NTF3: variants seen among roughly 807,000 people sequenced by gnomAD.
NTF3 encodes neurotrophin-3.
In NTF3, 8 loss-of-function variants were observed where a neutral mutation model predicts 26.3. That is an observed-to-expected ratio of 0.30 (90% CI 0.18 to 0.55). The LOEUF (loss-of-function observed/expected upper bound fraction) is 0.55, where lower values mean the gene tolerates loss of function less well. Among genes scored for constraint, NTF3 ranks in the 20% least tolerant of loss-of-function variants. The pLI is 0.93. For missense variants in NTF3, 276 were observed against 352.9 expected (o/e 0.78, Z 1.75); for synonymous variants, 154 against 145.5 (o/e 1.06, Z -0.42).
chr12:5,445,575 G>C (rs184765977), intron 1 of NTF3, among the ~76,000 whole-genome samples: 1 of 152,308 alleles, frequency 6.6e-6, no homozygotes, highest in East Asian at 1.9e-4. Flanking sequence ...GCTCTCCCAT[G>C]TCCTGACTAT....
intron 1 of NTF3, among the ~76,000 whole-genome samples, chr12:5,446,749 A>G (rs1483638824): frequency 2.0e-5 from 3 of 152,206 alleles, no homozygotes; most frequent in Non-Finnish European, 2.9e-5. Context: ...AGATATTACT[A>G]TGTATGCTGT....
intron 1 of NTF3, among the ~76,000 whole-genome samples, chr12:5,452,505 A>C (rs1444689014): frequency 6.6e-6 from 1 of 152,192 alleles, no homozygotes; most frequent in East Asian, 1.9e-4. Context: ...CCTTTTGGTC[A>C]CACTTTTTAT....
chr12:5,473,097 C>A (rs1940685042), intron 1 of NTF3, among the ~76,000 whole-genome samples: 1 of 152,186 alleles, frequency 6.6e-6, no homozygotes, highest in South Asian at 2.1e-4. Context: ...ACATCTCCTC[C>A]CACCCATAGA....
intron 1 of NTF3, among the ~76,000 whole-genome samples, chr12:5,453,437 A>G (rs1396666765): frequency 6.6e-6 from 1 of 151,954 alleles, no homozygotes; most frequent in Non-Finnish European, 1.5e-5. Context: ...CTGCCCACAT[A>G]TGCACACTTC....
intron 1 of NTF3, among the ~76,000 whole-genome samples, chr12:5,454,706 C>T (rs569891218): frequency 1.3e-5 from 2 of 152,308 alleles, no homozygotes; most frequent in East Asian, 3.9e-4. Flanking sequence ...GTTTTTAGCA[C>T]AATGCCTGCT....
At chr12:5,466,299 T>C (rs1204391802) in intron 1 of NTF3, among the ~76,000 whole-genome samples, 2 of 152,190 alleles carry the variant, frequency 1.3e-5, no homozygotes, top group East Asian at 3.9e-4. Context: ...AGATGCACTG[T>C]GGCGAGAGCA....
chr12:5,462,206 A>G (rs1339553137), intron 1 of NTF3, among the ~76,000 whole-genome samples: 1 of 152,148 alleles, frequency 6.6e-6, no homozygotes, highest in Non-Finnish European at 1.5e-5. Flanking sequence ...ACTCTCTCTC[A>G]TTGAGTTTCA....
intron 1 of NTF3, among the ~76,000 whole-genome samples, chr12:5,476,171 T>A (rs953565146): frequency 3.3e-5 from 5 of 152,142 alleles, no homozygotes; most frequent in Non-Finnish European, 7.3e-5. Context: ...CGTGCAACCA[T>A]TACCCCAACA....
At chr12:5,469,805 G>T (rs1215301059) in intron 1 of NTF3, among the ~76,000 whole-genome samples, 1 of 151,870 alleles carries the variant, frequency 6.6e-6, no homozygotes, top group South Asian at 2.1e-4. Flanking sequence ...TGTTTTTTTA[G>T]TTACCCACAT....
chr12:5,491,406 A>C (rs1940934364), intron 1 of NTF3, among the ~76,000 whole-genome samples: 1 of 152,182 alleles, frequency 6.6e-6, no homozygotes, highest in African/African-American at 2.4e-5. Flanking sequence ...TACTTATTAC[A>C]AAGTATCATG....
At chr12:5,485,828 G>A (rs982929328) in intron 1 of NTF3, among the ~76,000 whole-genome samples, 3 of 152,114 alleles carry the variant, frequency 2.0e-5, no homozygotes, top group African/African-American at 4.8e-5. Flanking sequence ...GCACATCCCC[G>A]CATCACTACA....
intron 1 of NTF3, among the ~76,000 whole-genome samples, chr12:5,480,045 C>A (rs749324505): frequency 1.8e-4 from 27 of 152,318 alleles, no homozygotes; most frequent in Non-Finnish European, 3.7e-4. Context: ...TTCTCAGGCT[C>A]CCTTGATCAA....
At chr12:5,470,010 C>T (rs1349258573) in intron 1 of NTF3, among the ~76,000 whole-genome samples, 1 of 152,138 alleles carries the variant, frequency 6.6e-6, no homozygotes, top group Non-Finnish European at 1.5e-5. Flanking sequence ...CTGCAAGCTC[C>T]GCCTCCCGGG....
chr12:5,466,261 C>CTA (rs1940587666), intron 1 of NTF3, among the ~76,000 whole-genome samples: 1 of 152,176 alleles, frequency 6.6e-6, no homozygotes, highest in Non-Finnish European at 1.5e-5. Flanking sequence ...AACGGCTAAC[C>CTA]CAAGTCTGTC....
chr12:5,494,520 G>A lies in NTF3; in HGVS notation c.345G>A (p.Pro115=). Residue 115 remains proline, a synonymous_variant, in exon 2 of 2, where the codon CCG becomes CCA. Transcript: ENST00000423158. The surrounding 1 kb of genome is among the most constrained non-coding windows in gnomAD (Gnocchi z 8.3). ...GACAACAGAGACGCTACAACTCACC[G>A]CGGGTCCTGCTGAGCGACAGCACCC... ...LLRQQRRYNS[P]RVLLSDSTPL... is the part of the protein sequence containing the mutation. 12 of 1,613,982 alleles carry A rather than the reference G, an allele frequency of 7.4e-6. No individual in the cohort carries two copies. The highest frequency in any genetic ancestry group is 8.5e-6 in the Non-Finnish European group (10 of 1,180,020).
chr12:5,489,148 C>G (rs967240395), intron 1 of NTF3, among the ~76,000 whole-genome samples: 4 of 152,136 alleles, frequency 2.6e-5, no homozygotes, highest in African/African-American at 9.7e-5. Context: ...AGCATCAGGC[C>G]CAGGAGGGAC....
At chr12:5,464,674 C>A (rs1472574210) in intron 1 of NTF3, among the ~76,000 whole-genome samples, 13 of 152,134 alleles carry the variant, frequency 8.5e-5, no homozygotes, top group Admixed American at 8.5e-4. Flanking sequence ...AGCTTCAGAA[C>A]CTCTGATCTA....
At chr12:5,447,003 A>G (rs578048225) in intron 1 of NTF3, among the ~76,000 whole-genome samples, 138 of 152,296 alleles carry the variant, frequency 9.1e-4, no homozygotes, top group African/African-American at 3.2e-3. Flanking sequence ...CTTCTGCACC[A>G]AGTACTGCTA....
chr12:5,490,751 C>G (rs1181826041), intron 1 of NTF3, among the ~76,000 whole-genome samples: 2 of 152,210 alleles, frequency 1.3e-5, no homozygotes, highest in African/African-American at 4.8e-5. Context: ...CATAATATTC[C>G]TATCTTCTCC....
Sources: allele counts gnomAD v4.1 joint callset (sites outside exome capture counted in the v4.1 genomes callset), GRCh38; gene constraint gnomAD v4.1.1; non-coding constraint Gnocchi (gnomAD v3.1); transcripts MANE v1.5; gene names NCBI Gene and HGNC (gene_info 2026-07-23, HGNC 2026-07-21).